Variants in TSPAN7 observed in about 807,000 individuals in gnomAD.
TSPAN7 encodes the protein tetraspanin-7.
In TSPAN7, 1 loss-of-function variant was observed where a neutral mutation model predicts 17.6. That is an observed-to-expected ratio of 0.06 (90% CI 0.02 to 0.27). The LOEUF is 0.27. Ranked by LOEUF, TSPAN7 falls within the 10% of genes least tolerant of loss-of-function variation. TSPAN7 has a pLI of 1.00. For missense variants in TSPAN7, 112 were observed against 201.7 expected (o/e 0.56, Z 2.69); for synonymous variants, 78 against 79.0 (o/e 0.99, Z 0.07).
At chrX:38,645,148 T>A (rs765721041) in intron 1 of TSPAN7, among the ~76,000 whole-genome samples, 33 of 112,417 alleles carry the variant, frequency 2.9e-4, no homozygotes, top group African/African-American at 9.0e-4. Flanking sequence ...TTGATCCTAC[T>A]CAGGCTGCTC....
chrX:38,667,246 T>C (rs1403185150), intron 2 of TSPAN7, among the ~76,000 whole-genome samples: 1 of 112,121 alleles, frequency 8.9e-6, no homozygotes, highest in East Asian at 2.8e-4. Flanking sequence ...GGGCAGACTA[T>C]TGAAAGGCTA....
intron 6 of TSPAN7, among the ~76,000 whole-genome samples, chrX:38,687,223 C>T: frequency 9.0e-6 from 1 of 111,677 alleles, no homozygotes; most frequent in Admixed American, 9.5e-5. Context: ...TCACTAAATT[C>T]TGTGTTCCTT....
At chrX:38,625,268 T>G (rs1433315509) in intron 1 of TSPAN7, among the ~76,000 whole-genome samples, 1 of 110,524 alleles carries the variant, frequency 9.0e-6, no homozygotes, top group Non-Finnish European at 1.9e-5. Flanking sequence ...AACCCTGGTC[T>G]TTCTGAATTT....
intron 1 of TSPAN7, among the ~76,000 whole-genome samples, chrX:38,579,895 T>C (rs375112664): frequency 1.8e-5 from 2 of 111,995 alleles, no homozygotes; most frequent in South Asian, 7.4e-4. Flanking sequence ...TGTCATAAAT[T>C]CAGAGTTTAT....
intron 1 of TSPAN7, among the ~76,000 whole-genome samples, chrX:38,580,582 C>A (rs1208842909): frequency 8.9e-6 from 1 of 111,871 alleles, no homozygotes; most frequent in African/African-American, 3.3e-5. Context: ...CCACTGCATG[C>A]AGTTAACTGT....
intron 1 of TSPAN7, among the ~76,000 whole-genome samples, chrX:38,652,930 A>G (rs2069683359): frequency 8.9e-6 from 1 of 112,508 alleles, no homozygotes; most frequent in African/African-American, 3.2e-5. Flanking sequence ...GCGTTCACCT[A>G]CCTAGACGAG....
intron 1 of TSPAN7, among the ~76,000 whole-genome samples, chrX:38,582,202 C>T (rs1472551352): frequency 8.9e-6 from 1 of 112,324 alleles, no homozygotes; most frequent in African/African-American, 3.2e-5. Flanking sequence ...GAGAAAGTCT[C>T]GTTTTAAAAA....
intron 1 of TSPAN7, among the ~76,000 whole-genome samples, chrX:38,636,709 T>C (rs1360262490): frequency 9.1e-6 from 1 of 110,059 alleles, no homozygotes; most frequent in Non-Finnish European, 1.9e-5. Flanking sequence ...AGAGTCTCAC[T>C]CTGTCACCCA....
At chrX:38,637,952 G>A (rs764426594) in intron 1 of TSPAN7, among the ~76,000 whole-genome samples, 215 of 111,580 alleles carry the variant, frequency 1.9e-3, no homozygotes, top group Non-Finnish European at 3.6e-3. Context: ...CTCCAGCCCC[G>A]GGGGACTTCA....
At chrX:38,581,644 G>A (rs1045387248) in intron 1 of TSPAN7, among the ~76,000 whole-genome samples, 1 of 112,083 alleles carries the variant, frequency 8.9e-6, no homozygotes, top group African/African-American at 3.2e-5. Context: ...TATGGCTGCT[G>A]TGGGTAAGAC....
chrX:38,601,494 A>G (rs899861655), intron 1 of TSPAN7, among the ~76,000 whole-genome samples: 12 of 112,058 alleles, frequency 1.1e-4, no homozygotes, highest in African/African-American at 2.9e-4. Context: ...GCAATCAGTA[A>G]TTATGGAAAT....
At chrX:38,596,980 T>C (rs2069321700) in intron 1 of TSPAN7, among the ~76,000 whole-genome samples, 1 of 111,385 alleles carries the variant, frequency 9.0e-6, no homozygotes, top group African/African-American at 3.3e-5. Flanking sequence ...TTTGAACTCA[T>C]TCTGGAAAAG....
chrX:38,675,651 G>A, intron 4 of TSPAN7, 54 bp from the exon 5 acceptor site: 2 of 1,196,087 alleles, frequency 1.7e-6, no homozygotes, highest in Admixed American at 4.4e-5. Flanking sequence ...CAGTGATTGA[G>A]GAGACCACAT....
intron 1 of TSPAN7, among the ~76,000 whole-genome samples, chrX:38,641,902 C>T (rs1030322037): frequency 1.9e-4 from 21 of 111,778 alleles, no homozygotes; most frequent in Non-Finnish European, 3.8e-4. Context: ...TTTTCTCAGG[C>T]CTTATGAAGC....
Position 38,652,020 on chromosome X carries a change from C to A in TSPAN7, c.82-14101C>A, listed in dbSNP as rs776521747. Among the ~76,000 whole-genome samples the A allele has an allele frequency of 2.7e-5, 3 of 111,615 alleles. No individual in the cohort carries two copies. In the South Asian group the frequency reaches 1.2e-3, roughly 43 times the overall value. On this transcript the variant is annotated intron_variant, in intron 1 of 7. Transcript: ENST00000378482. Reference sequence around the variant, plus strand: ...GAATTAAAATAATAAGGCAAATACTCCTTCCAGTGCCATATCCTCTTTTAA... The same window carrying A: ...GAATTAAAATAATAAGGCAAATACTACTTCCAGTGCCATATCCTCTTTTAA...
intron 1 of TSPAN7, among the ~76,000 whole-genome samples, chrX:38,629,125 G>A (rs1162502193): frequency 8.9e-6 from 1 of 112,295 alleles, no homozygotes; most frequent in Admixed American, 9.4e-5. Flanking sequence ...GAAATGTTCT[G>A]TATTCTTTGT....
chrX:38,657,747 T>A (rs1399162182), intron 1 of TSPAN7, among the ~76,000 whole-genome samples: 1 of 112,485 alleles, frequency 8.9e-6, no homozygotes, highest in Non-Finnish European at 1.9e-5. Flanking sequence ...AAGGAAGTAT[T>A]GTTTGCTGGA....
chrX:38,652,057 C>G (rs946038235), intron 1 of TSPAN7, among the ~76,000 whole-genome samples: 1 of 111,802 alleles, frequency 8.9e-6, no homozygotes, highest in African/African-American at 3.3e-5. Context: ...GAACACAGCT[C>G]ATTTTCATTG....
rs190275926 is a variant in TSPAN7, at chrX:38,654,444, C to A, written c.82-11677C>A. Among the ~76,000 whole-genome samples the A allele has an allele frequency of 2.3e-4, 26 of 112,229 alleles. No homozygotes were observed. The Admixed American group carries it at 2.4e-3, about 10-fold the overall frequency. On this transcript the variant is annotated intron_variant, in intron 1 of 7. Transcript: ENST00000378482. Reference sequence around the variant, plus strand: ...CTATTCCCATGCTTTCTCATTTAGTCCCCCTTGTGGCCAAAAGCAGACATT... The same window carrying A: ...CTATTCCCATGCTTTCTCATTTAGTACCCCTTGTGGCCAAAAGCAGACATT...
Sources: gnomAD v4.1 joint callset for allele counts (sites outside exome capture counted in the v4.1 genomes callset) on GRCh38, gnomAD v4.1.1 for gene constraint, MANE v1.5 for transcripts, NCBI Gene and HGNC (gene_info 2026-07-23, HGNC 2026-07-21) for gene names.